PIBF1: variants seen among roughly 807,000 people sequenced by gnomAD.
PIBF1 encodes progesterone immunomodulatory binding factor 1, also known as progesterone-induced-blocking factor 1.
A neutral mutation model predicts 112.5 loss-of-function variants in PIBF1; 90 were observed. The observed-to-expected ratio is 0.80, with a 90% CI of 0.67 to 0.95. The LOEUF (loss-of-function observed/expected upper bound fraction) is 0.95. Among genes scored for constraint, PIBF1 ranks in the 40% least tolerant of loss-of-function variants. The pLI is 0.00. For synonymous variants in PIBF1, 301 were observed against 288.6 expected (o/e 1.04, Z -0.44); for missense variants, 915 against 852.3 (o/e 1.07, Z -0.92).
chr13:72,800,681 T>A (rs776946889), intron 5 of PIBF1, among the ~76,000 whole-genome samples: 2 of 152,362 alleles, frequency 1.3e-5, no homozygotes, highest in African/African-American at 4.8e-5. Context: ...TGGGATACCT[T>A]GTTAAACAAA....
At chr13:72,975,796 A>C (rs2043005640) in intron 16 of PIBF1, among the ~76,000 whole-genome samples, 1 of 152,170 alleles carries the variant, frequency 6.6e-6, no homozygotes, top group South Asian at 2.1e-4. Flanking sequence ...GCTTTCAAGT[A>C]ATTGTTTCTT....
intron 16 of PIBF1, among the ~76,000 whole-genome samples, chr13:72,996,268 T>TTA (rs1566531754): frequency 3.1e-5 from 4 of 130,888 alleles, no homozygotes; most frequent in Admixed American, 7.8e-5. Flanking sequence ...TTCAATATAT[T>TTA]AAAAAAAAAA....
intron 10 of PIBF1, chr13:72,884,811 C>G (rs2039779650): frequency 6.6e-6 from 1 of 151,954 alleles, no homozygotes; most frequent in African/African-American, 2.4e-5. Context: ...GTTTGAACAT[C>G]CCAAGATAGA....
chr13:72,981,298 TAAAAA>T (rs937394434), intron 16 of PIBF1, among the ~76,000 whole-genome samples: 2 of 149,776 alleles, frequency 1.3e-5, no homozygotes, highest in African/African-American at 4.9e-5. Context: ...AAAATAAAAA[TAAAAA>T]AAAGCTTTTG....
At chr13:72,845,960 G>A (rs910897445) in intron 9 of PIBF1, among the ~76,000 whole-genome samples, 8 of 152,082 alleles carry the variant, frequency 5.3e-5, no homozygotes, top group Non-Finnish European at 1.0e-4. Context: ...CTAGCAGTAT[G>A]TAACACAGTT....
chr13:72,797,065 G>A (rs2035233555), intron 4 of PIBF1, among the ~76,000 whole-genome samples: 1 of 152,112 alleles, frequency 6.6e-6, no homozygotes, highest in Admixed American at 6.6e-5. Flanking sequence ...ACTTTACTGA[G>A]CTAGGGTAGG....
At chr13:72,831,647 T>A (rs1341828020) in intron 8 of PIBF1, among the ~76,000 whole-genome samples, 1 of 152,194 alleles carries the variant, frequency 6.6e-6, no homozygotes, top group East Asian at 1.9e-4. Context: ...TTATGATTTC[T>A]GTTCTTTTGC....
At chr13:72,891,029 C>A (rs550758810) in intron 10 of PIBF1, among the ~76,000 whole-genome samples, 4 of 151,982 alleles carry the variant, frequency 2.6e-5, no homozygotes, top group Non-Finnish European at 5.9e-5. Flanking sequence ...GGAGATAATT[C>A]TTGTTACCAC....
At chr13:72,859,103 G>A (rs565397670) in intron 10 of PIBF1, among the ~76,000 whole-genome samples, 1 of 152,118 alleles carries the variant, frequency 6.6e-6, no homozygotes, top group South Asian at 2.1e-4. Flanking sequence ...ATTGCTTTGA[G>A]CCTTAGATAT....
At chr13:72,938,289 C>G (rs1422896937) in intron 14 of PIBF1, among the ~76,000 whole-genome samples, 2 of 152,030 alleles carry the variant, frequency 1.3e-5, no homozygotes, top group African/African-American at 2.4e-5. Flanking sequence ...CACAGCACCA[C>G]TATCTAGTAA....
At chr13:72,840,895 T>G (rs1269833149) in intron 9 of PIBF1, among the ~76,000 whole-genome samples, 1 of 152,224 alleles carries the variant, frequency 6.6e-6, no homozygotes, top group African/African-American at 2.4e-5. Flanking sequence ...ATTTGTTGTC[T>G]ATACATTGGA....
At position 72,924,716 on chromosome 13, in the gene PIBF1, G is replaced by GA. The variant is rs150010462; in HGVS notation, c.1731-6437dup. Among the ~76,000 whole-genome samples the GA allele has an allele frequency of 7.5e-3, 1,066 of 141,692 alleles. 3 individuals carry two copies. Among genetic ancestry groups the GA allele is most frequent in the African/African-American group, 0.019 (719 of 38,426 alleles). 93.0% of individuals were successfully genotyped at this position (141,692 alleles called of 152,430 possible). On this transcript the variant is annotated intron_variant, in intron 13 of 17. Transcript: ENST00000326291. ...TGGGCAATAGAGTGAGACCCTGCCA[G>GA]AAAAAAAAAAAAGAAGATTTATTAA...
At chr13:72,816,168 A>G (rs953248633) in intron 5 of PIBF1, among the ~76,000 whole-genome samples, 6 of 152,228 alleles carry the variant, frequency 3.9e-5, no homozygotes, top group East Asian at 3.9e-4. Context: ...TTATACTACA[A>G]TAATAACCAC....
intron 8 of PIBF1, among the ~76,000 whole-genome samples, chr13:72,828,473 G>C (rs1390539280): frequency 1.3e-5 from 2 of 151,914 alleles, no homozygotes; most frequent in Non-Finnish European, 2.9e-5. Flanking sequence ...TCCCCTCCCT[G>C]TGTCCACGTG....
chr13:72,839,734 T>TA (rs1043404271), intron 9 of PIBF1, among the ~76,000 whole-genome samples: 8 of 151,842 alleles, frequency 5.3e-5, no homozygotes, highest in South Asian at 4.2e-4. Flanking sequence ...TGCTGTTTTT[T>TA]AAAAAAAAAT....
chr13:72,835,702 A>T (rs1026141501), intron 9 of PIBF1, among the ~76,000 whole-genome samples: 1 of 152,186 alleles, frequency 6.6e-6, no homozygotes, highest in Non-Finnish European at 1.5e-5. Context: ...TATAGCAACG[A>T]TTTCTCCTGG....
chr13:72,979,388 T>C (rs2043100257), intron 16 of PIBF1, among the ~76,000 whole-genome samples: 1 of 152,234 alleles, frequency 6.6e-6, no homozygotes, highest in African/African-American at 2.4e-5. Flanking sequence ...GTCCTTAGAA[T>C]ATAAGCTTTT....
chr13:72,798,207 A>G (rs911038002), intron 5 of PIBF1, among the ~76,000 whole-genome samples, 181 bp downstream of exon 5: 35 of 152,238 alleles, frequency 2.3e-4, no homozygotes, highest in African/African-American at 8.0e-4. Flanking sequence ...AACATTGACA[A>G]GACAAGTCTG....
chr13:72,857,811 G>C (rs2038496362), intron 10 of PIBF1, among the ~76,000 whole-genome samples: 2 of 152,154 alleles, frequency 1.3e-5, no homozygotes, highest in African/African-American at 4.8e-5. Context: ...TTGCACTCCA[G>C]CCTGGGCTAC....
Sources: allele counts gnomAD v4.1 joint callset (sites outside exome capture counted in the v4.1 genomes callset), GRCh38; gene constraint gnomAD v4.1.1; transcripts MANE v1.5; gene names NCBI Gene and HGNC (gene_info 2026-07-23, HGNC 2026-07-21).